The following PRKD1 variants were observed in gnomAD, a reference collection of about 807,000 sequenced individuals.
PRKD1 encodes the protein protein kinase D1.
Under a neutral mutation model 95.9 loss-of-function variants are expected in PRKD1, and 63 were observed. The ratio of observed to expected loss-of-function variants is 0.66; its 90% confidence interval spans 0.54 to 0.81. PRKD1 has a LOEUF of 0.81. PRKD1 is among the 30% of genes least tolerant of loss of function. The pLI is 0.00. For missense variants in PRKD1, 1,048 were observed against 1,165.3 expected, an observed-to-expected ratio of 0.90 and a Z score of 1.47; for synonymous variants, 425 against 423.1, an observed-to-expected ratio of 1.00 and a Z score of -0.05.
At chr14:29,865,104 T>C (rs947062010) in intron 1 of PRKD1, among the ~76,000 whole-genome samples, 2 of 152,158 alleles carry the variant, frequency 1.3e-5, no homozygotes, top group African/African-American at 4.8e-5. Context: ...ATATTATCAA[T>C]TGGTCAGGAA....
At chr14:29,819,389 T>C (rs10140971) in intron 1 of PRKD1, among the ~76,000 whole-genome samples, 112,153 of 151,968 alleles carry the variant, frequency 0.74, 41,457 homozygotes, top group Middle Eastern at 0.78. Flanking sequence ...AGAGAGCACA[T>C]AAATAATAAA....
intron 1 of PRKD1, among the ~76,000 whole-genome samples, chr14:29,730,940 G>A (rs1269043515): frequency 1.3e-5 from 2 of 151,952 alleles, no homozygotes; most frequent in Admixed American, 6.6e-5. Context: ...GTATAATGAG[G>A]TGACTATAGA....
At chr14:29,900,633 C>G (rs926148244) in intron 1 of PRKD1, among the ~76,000 whole-genome samples, 5 of 151,966 alleles carry the variant, frequency 3.3e-5, no homozygotes, top group African/African-American at 1.2e-4. Context: ...CTTAAATCAA[C>G]AAGCAAAAAA....
intron 2 of PRKD1, among the ~76,000 whole-genome samples, chr14:29,702,827 AATATCCT>A (rs1884905907): frequency 6.6e-6 from 1 of 152,168 alleles, no homozygotes; most frequent in African/African-American, 2.4e-5. Flanking sequence ...CCATTTTAGC[AATATCCT>A]AAAAGTGCAT....
At chr14:29,757,804 C>A (rs1887779953) in intron 1 of PRKD1, among the ~76,000 whole-genome samples, 1 of 151,836 alleles carries the variant, frequency 6.6e-6, no homozygotes, top group Non-Finnish European at 1.5e-5. Context: ...TGGCAGTAAT[C>A]CAAATAGGGA....
intron 13 of PRKD1, among the ~76,000 whole-genome samples, chr14:29,600,022 A>G (rs1315440804): frequency 6.6e-6 from 1 of 152,204 alleles, no homozygotes; most frequent in Non-Finnish European, 1.5e-5. Context: ...TTCTATGCGT[A>G]GTGAAATTAT....
In PRKD1 at chr14:29,578,543, T is replaced by TAAAAAA. The variant is rs992449669; in HGVS notation, c.2435-189_2435-184dup. On this transcript the variant is annotated intron_variant, in intron 16 of 17. Transcript: ENST00000331968. ...TTGGCCTTCATTTTATTTTGGATAC[T>TAAAAAA]AAAAAAAAAAAAAAAAAAAAAAAAA... 6.0e-3 allele frequency among the ~76,000 whole-genome samples: 257 copies of TAAAAAA among 42,562 alleles called. 5 individuals are homozygous for TAAAAAA. Among genetic ancestry groups the TAAAAAA allele is most frequent in the Middle Eastern group, 0.017 (1 of 60 alleles). The allele number at this position is 42,562 out of a possible 152,430, so 27.9% of individuals were successfully genotyped here.
intron 1 of PRKD1, among the ~76,000 whole-genome samples, chr14:29,739,250 G>A (rs1164143784): frequency 6.6e-6 from 1 of 152,148 alleles, no homozygotes; most frequent in Non-Finnish European, 1.5e-5. Context: ...TCTCTACACT[G>A]TATTGACAAA....
At chr14:29,638,638 T>G in intron 5 of PRKD1, 56 bp downstream of exon 5, 1 of 1,612,064 alleles carries the variant, frequency 6.2e-7, no homozygotes, top group Non-Finnish European at 8.5e-7. Context: ...CAGAAAATAC[T>G]TATGTCAGAT....
At chr14:29,922,342 G>A (rs10143386) in intron 1 of PRKD1, among the ~76,000 whole-genome samples, 144,761 of 151,416 alleles carry the variant, frequency 0.96, 69,231 homozygotes, top group African/African-American at 0.98. Context: ...AAAGAAAAAT[G>A]TAAAGCAGAG....
chr14:29,909,612 G>A (rs1594620773), intron 1 of PRKD1, among the ~76,000 whole-genome samples: 1 of 152,136 alleles, frequency 6.6e-6, no homozygotes, highest in East Asian at 1.9e-4. Flanking sequence ...GTGGGGACTT[G>A]GAGAACCTTT....
chr14:29,715,315 C>A (rs1423039467), intron 2 of PRKD1, among the ~76,000 whole-genome samples: 1 of 151,616 alleles, frequency 6.6e-6, no homozygotes, highest in Admixed American at 6.6e-5. Flanking sequence ...TCCAATAGAA[C>A]TTTTTTCAGA....
intron 13 of PRKD1, among the ~76,000 whole-genome samples, chr14:29,608,327 T>A (rs1230762682): frequency 6.6e-6 from 1 of 152,162 alleles, no homozygotes; most frequent in Non-Finnish European, 1.5e-5. Flanking sequence ...TATCCTCATT[T>A]AGTGAATGAA....
chr14:29,725,075 C>T (rs918147671), intron 2 of PRKD1, among the ~76,000 whole-genome samples: 3 of 152,198 alleles, frequency 2.0e-5, no homozygotes, highest in Non-Finnish European at 2.9e-5. Flanking sequence ...GCTCTGGCTT[C>T]CTCCTTGGTC....
chr14:29,927,403 G>T lies in PRKD1; in HGVS notation c.110C>A (p.Pro37Gln). Residue 37 changes from proline (P) to glutamine (Q), a missense_variant, in exon 1 of 18, where the codon CCG (proline) becomes CAG (glutamine). Coordinates refer to ENST00000331968, the MANE Select transcript of PRKD1 (RefSeq NM_002742.3). ...CGGGGCCGCGACAGGAGCCAAGAAC[G>T]GCGCGGGCCCGGGCCCGGACCCTGG... ...LVPGSGPGPA[P>Q]FLAPVAAPVG... 1 of 1,525,836 alleles carries T rather than the reference G, an allele frequency of 6.6e-7. No individual in the cohort carries two copies. The highest frequency in any genetic ancestry group is 2.7e-5 in the East Asian group (1 of 37,110). The allele number at this position is 1,525,836 out of a possible 1,614,324, so 94.5% of individuals were successfully genotyped here. A position where few individuals can be genotyped will look rare whatever the true frequency, so the allele number is the denominator to read the frequency against.
At chr14:29,731,866 A>G (rs879681588) in intron 1 of PRKD1, among the ~76,000 whole-genome samples, 1 of 140,910 alleles carries the variant, frequency 7.1e-6, no homozygotes, top group Non-Finnish European at 1.5e-5. Context: ...GACAATCTCT[A>G]CTTTTTTTTT....
chr14:29,726,288 A>G (rs1054987678), intron 1 of PRKD1, among the ~76,000 whole-genome samples: 1 of 152,152 alleles, frequency 6.6e-6, no homozygotes, highest in African/African-American at 2.4e-5. Context: ...TCAATCCACA[A>G]TCTCATGAGC....
In PRKD1 at chr14:29,578,286, G is replaced by C. The variant is rs772119873; in HGVS notation, c.2509C>G (p.Pro837Ala). ...TGATTATTGTTTACCTGTAGCCAAGGGTGGCTCAAGGTCTTATCCACACTG... is the reference window on the plus strand; with the variant it reads ...TGATTATTGTTTACCTGTAGCCAAGCGTGGCTCAAGGTCTTATCCACACTG... ...RYSVDKTLSH[P>A]WLQDYQTWLD... The change falls in exon 17 of 18, where the codon CCT becomes GCT. Residue 837 changes from proline (P) to alanine (A), a missense_variant. Pro to Ala is a conservative substitution (Grantham distance 27). Transcript: ENST00000331968. 1.9e-6 allele frequency: 3 copies of C among 1,603,158 alleles called. No individual in the cohort carries two copies. The highest frequency in any genetic ancestry group is 1.1e-5 in the South Asian group (1 of 88,688).
intron 1 of PRKD1, among the ~76,000 whole-genome samples, chr14:29,886,544 G>A (rs957945066): frequency 1.3e-5 from 2 of 152,298 alleles, no homozygotes; most frequent in Middle Eastern, 6.8e-3. Context: ...GAAGAACTTA[G>A]TGTATTCAAA....
Sources: gnomAD v4.1 joint callset for allele counts (sites outside exome capture counted in the v4.1 genomes callset) on GRCh38, gnomAD v4.1.1 for gene constraint, MANE v1.5 for transcripts, NCBI Gene and HGNC (gene_info 2026-07-23, HGNC 2026-07-21) for gene names.